The following SNTG1 variants were observed in gnomAD, a reference collection of about 807,000 sequenced individuals.
SNTG1 encodes gamma-1-syntrophin.
In SNTG1, 39 loss-of-function variants were observed where a neutral mutation model predicts 74.7. The ratio of observed to expected loss-of-function variants is 0.52; its 90% CI spans 0.40 to 0.68. The LOEUF is 0.68. SNTG1 is among the 30% of genes least tolerant of loss of function. The pLI is 0.00. For missense variants in SNTG1, 685 were observed against 609.5 expected, an observed-to-expected ratio of 1.12 and a Z score of -1.30; for synonymous variants, 254 against 217.1, an observed-to-expected ratio of 1.17 and a Z score of -1.49.
intron 1 of SNTG1, among the ~76,000 whole-genome samples, chr8:50,062,855 G>T (rs561349437): frequency 3.7e-4 from 56 of 152,196 alleles, no homozygotes; most frequent in African/African-American, 1.3e-3. Flanking sequence ...CATAATATGT[G>T]CATATTTACC....
At chr8:50,350,934 G>A (rs2091640735) in intron 2 of SNTG1, among the ~76,000 whole-genome samples, 3 of 152,200 alleles carry the variant, frequency 2.0e-5, no homozygotes, top group African/African-American at 7.2e-5. Flanking sequence ...CAACCCGTAG[G>A]TCCCCTTGGA....
At chr8:50,581,417 A>G (rs2094608979) in intron 12 of SNTG1, among the ~76,000 whole-genome samples, 1 of 152,046 alleles carries the variant, frequency 6.6e-6, no homozygotes, top group African/African-American at 2.4e-5. Flanking sequence ...CATCATATTT[A>G]CTCTATATTT....
At chr8:50,261,942 T>G (rs921624045) in intron 2 of SNTG1, among the ~76,000 whole-genome samples, 5 of 152,136 alleles carry the variant, frequency 3.3e-5, no homozygotes, top group African/African-American at 1.2e-4. Context: ...TCACTTTAAA[T>G]GTCAATGGTC....
chr8:50,757,940 G>C (rs534263542), intron 18 of SNTG1, among the ~76,000 whole-genome samples: 6 of 151,868 alleles, frequency 4.0e-5, no homozygotes, highest in African/African-American at 1.2e-4. Flanking sequence ...ATTCACAGGT[G>C]GTGTATCTTA....
At chr8:50,597,101 A>G (rs1247889591) in intron 13 of SNTG1, among the ~76,000 whole-genome samples, 1 of 151,642 alleles carries the variant, frequency 6.6e-6, no homozygotes, top group Non-Finnish European at 1.5e-5. Flanking sequence ...GGTAACCACT[A>G]TTGTACTCTC....
At chr8:50,479,323 C>T (rs2093721340) in intron 8 of SNTG1, among the ~76,000 whole-genome samples, 1 of 152,002 alleles carries the variant, frequency 6.6e-6, no homozygotes, top group South Asian at 2.1e-4. Flanking sequence ...AATTATCCAG[C>T]TTTCTGCCAA....
rs1417046070 is a variant in SNTG1, at chr8:50,121,477, A to G, written c.-102-51084A>G. 6.3e-5 allele frequency among the ~76,000 whole-genome samples: 9 copies of G among 141,798 alleles called. 3 individuals are homozygous for G. Among genetic ancestry groups the G allele is most frequent in the Admixed American group, 5.8e-4 (8 of 13,782 alleles). The allele number at this position is 141,798 out of a possible 152,430, so 93.0% of individuals were successfully genotyped here. On this transcript the variant is annotated intron_variant, in intron 1 of 18. Transcript: ENST00000642720. ...CAAAAATAAAAATAATGTTACAGGT[A>G]CCTGCTAGAAAAAAAATGTTGATGT...
rs1035402893 is a variant in SNTG1, at chr8:50,312,820, G to C, written c.-27-81392G>C. On this transcript the variant is annotated intron_variant, in intron 2 of 18. Coordinates refer to ENST00000642720, the MANE Select transcript of SNTG1 (RefSeq NM_018967.5). The stretch of plus-strand genomic sequence containing the variant: ...TCACTGGGCGTATGTTAACTATGAG[G>C]GCTTTAAAACATAAATATAATAAAA... 2.7e-5 allele frequency among the ~76,000 whole-genome samples: 4 copies of C among 149,874 alleles called. No homozygotes were observed. The South Asian group carries it at 6.7e-4, about 25-fold the overall frequency.
At chr8:50,461,829 T>G (rs917727857) in intron 8 of SNTG1, among the ~76,000 whole-genome samples, 2 of 152,148 alleles carry the variant, frequency 1.3e-5, no homozygotes, top group Non-Finnish European at 2.9e-5. Flanking sequence ...AATCAGACAT[T>G]TCCCCTAGAA....
At chr8:50,387,124 C>G (rs2092587751) in intron 2 of SNTG1, among the ~76,000 whole-genome samples, 3 of 152,292 alleles carry the variant, frequency 2.0e-5, no homozygotes, top group African/African-American at 4.8e-5. Flanking sequence ...TTAAGCTACT[C>G]TGATTACTGC....
chr8:50,422,458 T>C (rs75204866), intron 4 of SNTG1, among the ~76,000 whole-genome samples: 2 of 152,124 alleles, frequency 1.3e-5, no homozygotes, highest in African/African-American at 2.4e-5. Flanking sequence ...GTATGAGGGG[T>C]ACTTTCTGCC....
chr8:50,602,046 T>C (rs10110737), intron 13 of SNTG1, among the ~76,000 whole-genome samples: 23,192 of 151,908 alleles, frequency 0.15, 4,635 homozygotes, highest in African/African-American at 0.46. Flanking sequence ...AACAGATAAT[T>C]GAGTCTTCTT....
chr8:50,444,669 G>C (rs1213848248), intron 5 of SNTG1, among the ~76,000 whole-genome samples: 2 of 151,328 alleles, frequency 1.3e-5, no homozygotes, highest in African/African-American at 4.9e-5. Flanking sequence ...AAAATCGCTT[G>C]AACCTGGGAG....
intron 1 of SNTG1, among the ~76,000 whole-genome samples, chr8:49,942,240 T>TAACA (rs1808757302): frequency 6.6e-6 from 1 of 152,204 alleles, no homozygotes; most frequent in Non-Finnish European, 1.5e-5. Context: ...AAAAATTTAC[T>TAACA]AACAAGTAAC....
chr8:50,249,190 C>A (rs902478543), intron 2 of SNTG1, among the ~76,000 whole-genome samples: 1 of 152,218 alleles, frequency 6.6e-6, no homozygotes, highest in African/African-American at 2.4e-5. Flanking sequence ...CTAGTCCTTA[C>A]AGGCCCTGAG....
At chr8:50,691,279 G>T (rs1425103143) in intron 15 of SNTG1, among the ~76,000 whole-genome samples, 2 of 152,164 alleles carry the variant, frequency 1.3e-5, no homozygotes, top group African/African-American at 2.4e-5. Context: ...GTGTGTATTT[G>T]ATCCTGTCAT....
chr8:50,723,481 A>G (rs1285103477), intron 17 of SNTG1, among the ~76,000 whole-genome samples: 1 of 152,092 alleles, frequency 6.6e-6, no homozygotes, highest in Non-Finnish European at 1.5e-5. Context: ...GCCTTCTCTA[A>G]AGTTGGGCAT....
chr8:50,238,139 A>G (rs902102036), intron 2 of SNTG1, among the ~76,000 whole-genome samples: 4 of 152,134 alleles, frequency 2.6e-5, no homozygotes, highest in African/African-American at 9.7e-5. Context: ...AATTAGAAAA[A>G]TTTCTAAAAT....
chr8:49,923,200 C>T (rs567727864), intron 1 of SNTG1, among the ~76,000 whole-genome samples: 2 of 152,084 alleles, frequency 1.3e-5, no homozygotes, highest in East Asian at 1.9e-4. Context: ...GTCATGCTTA[C>T]GAATGGATAA....
Sources: allele counts gnomAD v4.1 joint callset (sites outside exome capture counted in the v4.1 genomes callset), GRCh38; gene constraint gnomAD v4.1.1; transcripts MANE v1.5; gene names NCBI Gene and HGNC (gene_info 2026-07-23, HGNC 2026-07-21).